Variants in LCORL observed in about 807,000 individuals in gnomAD.
LCORL encodes ligand-dependent nuclear receptor corepressor-like protein.
Under a neutral mutation model 141.8 loss-of-function variants are expected in LCORL, and 41 were observed. That is an observed-to-expected ratio of 0.29 (90% confidence interval 0.23 to 0.38). The LOEUF is 0.38. Among genes scored for constraint, LCORL ranks in the 10% least tolerant of loss-of-function variants. The pLI is 1.00. For synonymous variants in LCORL, 618 were observed against 694.1 expected (o/e 0.89, Z 1.72); for missense variants, 1,759 against 2,035.0 (o/e 0.86, Z 2.61).
rs1214432642 is a variant in LCORL, at chr4:17,882,219, A to G, written c.776+3849T>C. ...AGTGTAAAAACACAAGCATTTGACAAGGTGCACTTATTTTTTAAATTCAGC... is the reference window on the plus strand; with the variant it reads ...AGTGTAAAAACACAAGCATTTGACAGGGTGCACTTATTTTTTAAATTCAGC... On this transcript the variant is annotated intron_variant, in intron 6 of 7. Transcript: ENST00000635767. 3 of 984,522 alleles carry G rather than the reference A, an allele frequency of 3.0e-6. No homozygotes were observed. The African/African-American group carries it at 5.2e-5, about 17-fold the overall frequency. 61.0% of individuals were successfully genotyped at this position (984,522 alleles called of 1,614,324 possible).
At chr4:17,931,503 A>G (rs1736031767) in intron 4 of LCORL, among the ~76,000 whole-genome samples, 1 of 151,804 alleles carries the variant, frequency 6.6e-6, no homozygotes, top group African/African-American at 2.4e-5. Flanking sequence ...CTAGATTCTT[A>G]TATGTAGTTT....
intron 4 of LCORL, among the ~76,000 whole-genome samples, chr4:17,948,688 G>A (rs935855684): frequency 6.6e-6 from 1 of 151,822 alleles, no homozygotes; most frequent in Non-Finnish European, 1.5e-5. Flanking sequence ...GCTGAGAATT[G>A]AGCCTTAAGA....
At chr4:18,000,065 G>A (rs147931053) in intron 1 of LCORL, among the ~76,000 whole-genome samples, 315 of 149,594 alleles carry the variant, frequency 2.1e-3, no homozygotes, top group African/African-American at 7.1e-3. Flanking sequence ...ACATCTAACC[G>A]AACAAAACAA....
intron 1 of LCORL, among the ~76,000 whole-genome samples, chr4:17,988,963 G>A (rs1227145771): frequency 6.6e-6 from 1 of 152,182 alleles, no homozygotes; most frequent in African/African-American, 2.4e-5. Context: ...CAGCCTGGGG[G>A]ACAGAGTGAG....
chr4:17,865,070 C>A (rs576328331), intron 7 of LCORL, among the ~76,000 whole-genome samples: 47 of 152,110 alleles, frequency 3.1e-4, no homozygotes, highest in Admixed American at 7.2e-4. Context: ...ATTTTGATAT[C>A]CCCCTTTCAA....
chr4:17,948,954 G>GT (rs545220847), intron 4 of LCORL, among the ~76,000 whole-genome samples: 278 of 152,090 alleles, frequency 1.8e-3, no homozygotes, highest in African/African-American at 6.5e-3. Context: ...TCTAAGCAGC[G>GT]TAAGGGCTGA....
At chr4:17,992,739 T>C (rs1450007974) in intron 1 of LCORL, among the ~76,000 whole-genome samples, 3 of 152,248 alleles carry the variant, frequency 2.0e-5, no homozygotes, top group Non-Finnish European at 2.9e-5. Flanking sequence ...GAAGTGCTTC[T>C]TTACTCAGTA....
At chr4:17,972,967 T>A (rs1325192635) in intron 1 of LCORL, 82 bp from the exon 2 acceptor site, 3 of 577,010 alleles carry the variant, frequency 5.2e-6, no homozygotes, top group Non-Finnish European at 5.6e-6. Flanking sequence ...TCTGTATCAA[T>A]CAGCAAATTA....
At chr4:17,919,542 ATTT>A (rs2109365857) in intron 4 of LCORL, among the ~76,000 whole-genome samples, 1 of 152,264 alleles carries the variant, frequency 6.6e-6, no homozygotes, top group Admixed American at 6.5e-5. Context: ...AGTCACAAGA[ATTT>A]TTTGCTTTCC....
intron 4 of LCORL, among the ~76,000 whole-genome samples, chr4:17,951,326 C>A (rs1189908233): frequency 6.6e-6 from 1 of 152,192 alleles, no homozygotes; most frequent in Admixed American, 6.5e-5. Flanking sequence ...CACAGACAAT[C>A]TCTAACTCCT....
At chr4:17,876,024 A>G in exon 7 of LCORL, 1 of 1,230,990 alleles carries the variant, frequency 8.1e-7, no homozygotes, top group Non-Finnish European at 1.0e-6. Flanking sequence ...AGAAGGGAGA[A>G]CAACATTTGA....
At chr4:17,994,361 C>T in intron 1 of LCORL, among the ~76,000 whole-genome samples, 1 of 152,144 alleles carries the variant, frequency 6.6e-6, no homozygotes, top group Middle Eastern at 3.2e-3. Context: ...CACCTGCCAA[C>T]ACCCAAACCC....
intron 1 of LCORL, among the ~76,000 whole-genome samples, chr4:18,018,627 T>C (rs1039202443): frequency 6.6e-6 from 1 of 152,146 alleles, no homozygotes; most frequent in Non-Finnish European, 1.5e-5. Context: ...TTCTACCCTA[T>C]AAAATTAGAA....
chr4:17,912,520 T>C (rs903747476), intron 4 of LCORL: 24 of 487,452 alleles, frequency 4.9e-5, no homozygotes, highest in Admixed American at 2.1e-4. Flanking sequence ...CTCAGCAGAT[T>C]GAGGAGAGCA....
intron 1 of LCORL, among the ~76,000 whole-genome samples, chr4:18,004,243 T>C (rs1198124953): frequency 6.6e-6 from 1 of 152,226 alleles, no homozygotes; most frequent in Non-Finnish European, 1.5e-5. Context: ...TGTGAAAACA[T>C]ATTATTCATA....
chr4:17,913,724 G>A lies in LCORL; in HGVS notation c.431-4379C>T, dbSNP rs867636490. On this transcript the variant is annotated intron_variant, in intron 4 of 7. Coordinates refer to ENST00000635767, the Ensembl canonical transcript of LCORL. ...GAGTTATGATGGGAAATCATCAGGC[G>A]TCCACCTTACAGTCCTCATTTGATG... Among the ~76,000 whole-genome samples, 9 of 152,208 alleles carry A rather than the reference G, an allele frequency of 5.9e-5. No homozygotes were observed. The South Asian group carries it at 6.2e-4, about 11-fold the overall frequency.
At chr4:18,015,163 C>G (rs1415485933) in intron 1 of LCORL, among the ~76,000 whole-genome samples, 3 of 152,048 alleles carry the variant, frequency 2.0e-5, no homozygotes, top group Non-Finnish European at 4.4e-5. Context: ...GAATTAAAGA[C>G]CAGGGTTGAA....
intron 6 of LCORL, chr4:17,882,162 G>GTATA (rs1226609195): frequency 1.0e-6 from 1 of 983,294 alleles, no homozygotes; most frequent in East Asian, 1.1e-4. Flanking sequence ...AGTATTACAC[G>GTATA]TATATATGAT....
chr4:17,932,050 G>A (rs771849925), intron 4 of LCORL, among the ~76,000 whole-genome samples: 4 of 152,024 alleles, frequency 2.6e-5, no homozygotes, highest in Non-Finnish European at 4.4e-5. Context: ...CCTTTCCGCC[G>A]CTAATTTCTA....
Sources: allele counts gnomAD v4.1 joint callset (sites outside exome capture counted in the v4.1 genomes callset), GRCh38; gene constraint gnomAD v4.1.1; transcripts MANE v1.5; gene names NCBI Gene and HGNC (gene_info 2026-07-23, HGNC 2026-07-21).